The following TRAK2 variants were observed in gnomAD, a reference collection of about 807,000 sequenced individuals.
TRAK2 encodes trafficking kinesin-binding protein 2.
Under a neutral mutation model 104.6 loss-of-function variants are expected in TRAK2, and 81 were observed. The observed-to-expected ratio is 0.77, with a 90% confidence interval of 0.65 to 0.93. The LOEUF (loss-of-function observed/expected upper bound fraction) is 0.93, where lower values mean the gene tolerates loss of function less well. Among genes scored for constraint, TRAK2 ranks in the 40% least tolerant of loss-of-function variants. The pLI, the probability that TRAK2 is intolerant of heterozygous loss-of-function variation, is 0.00. For synonymous variants in TRAK2, 406 were observed against 394.4 expected (o/e 1.03, Z -0.35); for missense variants, 1,002 against 1,089.0 (o/e 0.92, Z 1.12).
In TRAK2 at chr2:201,393,017, C is replaced by T. The variant is rs1951461720; in HGVS notation, c.1005G>A (p.Glu335=). The change falls in exon 10 of 16, where the codon GAG becomes GAA. Residue 335 remains glutamate (E), a synonymous_variant. Coordinates refer to ENST00000332624, the MANE Select transcript of TRAK2 (RefSeq NM_015049.3). Reference sequence around the variant, plus strand: ...GGGATTCATGTAACATTCCTAGACACTCCATATTCCTGTCTTGTAACTCGT... The same window carrying T: ...GGGATTCATGTAACATTCCTAGACATTCCATATTCCTGTCTTGTAACTCGT... The part of the protein sequence containing the change: ...ELHELQDRNM[E]CLGMLHESQE... 5 of 1,612,790 alleles carry T rather than the reference C, an allele frequency of 3.1e-6. No homozygotes were observed. The East Asian group carries it at 1.1e-4, about 36-fold the overall frequency.
intron 1 of TRAK2, among the ~76,000 whole-genome samples, chr2:201,439,086 C>G (rs1021614571): frequency 3.3e-5 from 5 of 152,162 alleles, no homozygotes; most frequent in African/African-American, 9.7e-5. Context: ...TGGCAAATGA[C>G]AGGCATTCAA....
chr2:201,388,245 T>C (rs566194166), intron 12 of TRAK2, among the ~76,000 whole-genome samples: 1 of 152,360 alleles, frequency 6.6e-6, no homozygotes, highest in South Asian at 2.1e-4. Flanking sequence ...CTGTGTTTTC[T>C]GAATTTTCTA....
chr2:201,408,912 T>C (rs1281466963), intron 2 of TRAK2, among the ~76,000 whole-genome samples: 1 of 152,212 alleles, frequency 6.6e-6, no homozygotes, highest in Non-Finnish European at 1.5e-5. Context: ...TGAGCACTGG[T>C]ACTGAAATAA....
rs1018029994 is a variant in TRAK2 at position 201,420,486 on chromosome 2, T to C, written c.22A>G (p.Ile8Val). Reference protein sequence around the residue: MSQSQNAIFTSPTGEENL... With the variant: MSQSQNAVFTSPTGEENL... ...TCTTCACCTGTTGGTGATGTAAAAA[T>C]TGCATTCTGGGATTGACTCATGCAG... The change falls in exon 2 of 16, where the codon ATT becomes GTT. Residue 8 changes from isoleucine (I) to valine (V), a missense_variant. Transcript: ENST00000332624. 6.2e-7 allele frequency: 1 copy of C among 1,614,134 alleles called. No homozygotes were observed.
At chr2:201,389,234 C>T (rs1364400030) in intron 12 of TRAK2, 66 bp downstream of exon 12, 4 of 1,429,924 alleles carry the variant, frequency 2.8e-6, no homozygotes, top group East Asian at 2.3e-5. Flanking sequence ...CTGGAATGTG[C>T]GTATGTGAAT....
chr2:201,386,176 C>T (rs751033713), intron 14 of TRAK2, 42 bp downstream of exon 14: 5 of 1,607,848 alleles, frequency 3.1e-6, no homozygotes, highest in Non-Finnish European at 4.3e-6. Flanking sequence ...ATGCAAAGTA[C>T]TTCTGGTTAT....
intron 10 of TRAK2, among the ~76,000 whole-genome samples, chr2:201,392,125 C>A (rs900124883): frequency 6.6e-6 from 1 of 151,802 alleles, no homozygotes; most frequent in African/African-American, 2.4e-5. Context: ...GTTAAAATAG[C>A]CCAGGGGGAA....
At chr2:201,450,972 T>C (rs111563594) in intron 1 of TRAK2, among the ~76,000 whole-genome samples, 667 of 152,236 alleles carry the variant, frequency 4.4e-3, no homozygotes, top group Non-Finnish European at 7.3e-3. Flanking sequence ...TACCCTCTCC[T>C]CCCACTTACA....
chr2:201,428,011 GTTGT>G (rs1180743256), intron 1 of TRAK2, among the ~76,000 whole-genome samples: 3 of 152,166 alleles, frequency 2.0e-5, no homozygotes, highest in South Asian at 2.1e-4. Context: ...TTTTGATGGG[GTTGT>G]TTGATTTTTT....
At chr2:201,436,918 T>A (rs1426144769) in intron 1 of TRAK2, among the ~76,000 whole-genome samples, 1 of 152,210 alleles carries the variant, frequency 6.6e-6, no homozygotes, top group Non-Finnish European at 1.5e-5. Flanking sequence ...TAAACACATA[T>A]AATTCTAGAT....
At position 201,389,308 on chromosome 2, in the gene TRAK2, C is replaced by T. The variant is rs1006829507; in HGVS notation, c.1389G>A (p.Glu463=). The change falls in exon 12 of 16, where the codon GAG becomes GAA. Residue 463 remains glutamate (E), a synonymous_variant. Coordinates refer to ENST00000332624, the MANE Select transcript of TRAK2 (RefSeq NM_015049.3). ...TATCATCGGATTCCTACCCTGCAACCTCCTCTGAGCTGCTCCCCTGGTTCA... is the reference window on the plus strand; with the variant it reads ...TATCATCGGATTCCTACCCTGCAACTTCCTCTGAGCTGCTCCCCTGGTTCA... The part of the protein sequence containing the change: ...SLLNQGSSSE[E]VAGSSQKMGQ... 5.0e-6 allele frequency: 8 copies of T among 1,614,124 alleles called. No individual in the cohort carries two copies. The highest frequency in any genetic ancestry group is 3.3e-5 in the South Asian group (3 of 91,082).
Position 201,389,802 on chromosome 2 carries a change from T to C in TRAK2, c.1192A>G (p.Lys398Glu), listed in dbSNP as rs1321075810. The change falls in exon 11 of 16, where the codon AAA becomes GAA. Residue 398 changes from lysine to glutamate, a missense_variant and splice_region_variant. Lys to Glu is a moderately conservative substitution (Grantham distance 56). Transcript: ENST00000332624. ...LDEESSLFKQ[K>E]AQQKRVFDTV... is the part of the protein sequence containing the mutation. ...ACAACACATGTGACCTGTACTTACT[T>C]TTGTTTAAAGAGAGAAGATTCCTCA... 2 of 1,610,724 alleles carry C rather than the reference T, an allele frequency of 1.2e-6. No homozygotes were observed. Among genetic ancestry groups the C allele is most frequent in the Non-Finnish European group, 1.7e-6 (2 of 1,178,384 alleles).
In TRAK2 at chr2:201,378,988, T is replaced by C. The variant is rs1951313175; in HGVS notation, c.*1555A>G. 6.6e-6 allele frequency: 1 copy of C among 152,138 alleles called. No individual in the cohort carries two copies. The highest frequency in any genetic ancestry group is 6.6e-5 in the Admixed American group (1 of 15,256). 9.4% of individuals were successfully genotyped at this position (152,138 alleles called of 1,614,324 possible). ...AAGAGTCAAGAGTTCTTCAGAAAACTGCCTTTAAGTCAGGACAAAGGAACA... is the reference window on the plus strand; with the variant it reads ...AAGAGTCAAGAGTTCTTCAGAAAACCGCCTTTAAGTCAGGACAAAGGAACA... On this transcript the variant is annotated 3_prime_UTR_variant, in exon 16 of 16. Coordinates refer to ENST00000332624, the MANE Select transcript of TRAK2 (RefSeq NM_015049.3).
chr2:201,379,601 T>C lies in TRAK2; in HGVS notation c.*942A>G, dbSNP rs1240976390. On this transcript the variant is annotated 3_prime_UTR_variant, in exon 16 of 16. Transcript: ENST00000332624. ...TTTTCTTACAAAAAAAGTTTACATA[T>C]ATAAATATACAACATTCCCTAATTC... The C allele has an allele frequency of 1.3e-5, 2 of 152,632 alleles. No individual in the cohort carries two copies. Among genetic ancestry groups the C allele is most frequent in the Admixed American group, 6.5e-5 (1 of 15,272 alleles). 9.5% of individuals were successfully genotyped at this position (152,632 alleles called of 1,614,324 possible).
At chr2:201,441,709 C>G (rs1281896752) in intron 1 of TRAK2, among the ~76,000 whole-genome samples, 1 of 150,138 alleles carries the variant, frequency 6.7e-6, no homozygotes, top group Admixed American at 6.6e-5. Context: ...TTTTCTCCCC[C>G]GAGACAGAGT....
chr2:201,424,576 C>T (rs889464798), intron 1 of TRAK2, among the ~76,000 whole-genome samples: 1 of 151,426 alleles, frequency 6.6e-6, no homozygotes, highest in African/African-American at 2.4e-5. Context: ...TTTGGCTTGC[C>T]ACCTGTTTTT....
rs1951389937 is a variant in TRAK2, at chr2:201,386,294, T to C, written c.1887A>G (p.Glu629=). The C allele has an allele frequency of 9.3e-6, 15 of 1,614,142 alleles. No homozygotes were observed. Among genetic ancestry groups the C allele is most frequent in the Non-Finnish European group, 1.3e-5 (15 of 1,180,004 alleles). The change falls in exon 14 of 16, where the codon GAA becomes GAG. Residue 629 remains glutamate, a synonymous_variant. Transcript: ENST00000332624. ...CTGGCTTGGATGTTGAAAGTTTCTC[T>C]TCCACTTCAAGAGGTTGCTGAACCT... ...TFQVQQPLEV[E]EKLSTSKPVT...
intron 7 of TRAK2, among the ~76,000 whole-genome samples, chr2:201,396,919 G>A (rs1951507953): frequency 6.6e-6 from 1 of 152,124 alleles, no homozygotes; most frequent in South Asian, 2.1e-4. Flanking sequence ...GACTGCAGTT[G>A]GCCACGGTTA....
chr2:201,424,705 C>T (rs1951771930), intron 1 of TRAK2, among the ~76,000 whole-genome samples: 1 of 152,210 alleles, frequency 6.6e-6, no homozygotes, highest in Admixed American at 6.5e-5. Flanking sequence ...CGGGTTCACG[C>T]CATTCTCCTG....
Sources: gnomAD v4.1 joint callset for allele counts (sites outside exome capture counted in the v4.1 genomes callset) on GRCh38, gnomAD v4.1.1 for gene constraint, MANE v1.5 for transcripts, NCBI Gene and HGNC (gene_info 2026-07-23, HGNC 2026-07-21) for gene names.